The following ZNF836 variants were observed in gnomAD, a reference collection of about 807,000 sequenced individuals.
The protein encoded by ZNF836 is zinc finger protein 836.
Under a neutral mutation model 7.4 loss-of-function variants are expected in ZNF836, and 12 were observed. The observed-to-expected ratio is 1.61, with a 90% CI of 1.03 to 2.61. The LOEUF (loss-of-function observed/expected upper bound fraction) is 2.61, where lower values mean the gene tolerates loss of function less well. Among genes scored for constraint, ZNF836 ranks in the 30% most tolerant of loss-of-function variants. ZNF836 has a pLI of 0.00. For missense variants in ZNF836, 998 were observed against 1,126.2 expected, an observed-to-expected ratio of 0.89 and a Z score of 1.63; for synonymous variants, 365 against 382.6, an observed-to-expected ratio of 0.95 and a Z score of 0.54.
At chr19:52,166,859 G>A (rs1376181721) in intron 3 of ZNF836, among the ~76,000 whole-genome samples, 9 of 151,444 alleles carry the variant, frequency 5.9e-5, no homozygotes, top group African/African-American at 1.9e-4. Flanking sequence ...GATTACAGGC[G>A]TGAGCCACCG....
In ZNF836 at chr19:52,157,309, C is replaced by T. The variant is rs757305341; in HGVS notation, c.374G>A (p.Gly125Asp). ...TTCTACATCCTCTTGACTATGTTGA[C>T]CTCTTTTACCATTAAGATTGTTTTT... Reference protein sequence around the residue: ...TYKNNLNGKRGQHSQEDVENK... With the variant: ...TYKNNLNGKRDQHSQEDVENK... The change falls in exon 5 of 5, where the codon GGT becomes GAT. Residue 125 changes from glycine (G) to aspartate (D), a missense_variant. By Grantham distance (94) the Gly-to-Asp change is moderately conservative. Transcript: ENST00000682614. 99 of 1,604,198 alleles carry T rather than the reference C, an allele frequency of 6.2e-5. No individual in the cohort carries two copies. The South Asian group carries it at 1.0e-3, about 16-fold the overall frequency.
chr19:52,161,669 C>CA lies in ZNF836; in HGVS notation c.16-1079dup. Among the ~76,000 whole-genome samples, 1 of 151,026 alleles carries CA rather than the reference C, an allele frequency of 6.6e-6. No homozygotes were observed. The highest frequency in any genetic ancestry group is 2.1e-4 in the South Asian group (1 of 4,756). On this transcript the variant is annotated intron_variant, in intron 3 of 4. Transcript: ENST00000682614. The surrounding 1 kb of genome is among the most constrained non-coding windows in gnomAD (Gnocchi z 4.1). ...GTGGAGGAGAAAAAAAAAAAAAACTCAGACTGTAACATTCCACCCCTGGCC... is the reference window on the plus strand; with the variant it reads ...GTGGAGGAGAAAAAAAAAAAAAACTCAAGACTGTAACATTCCACCCCTGGCC...
chr19:52,168,890 C>T (rs1477332034), intron 2 of ZNF836, among the ~76,000 whole-genome samples: 2 of 152,100 alleles, frequency 1.3e-5, no homozygotes, highest in Admixed American at 6.6e-5. Context: ...TATGACCTCA[C>T]AAGCAGAATT....
rs571771506 is a variant in ZNF836 at position 52,161,927 on chromosome 19, G to C, written c.16-1336C>G. On this transcript the variant is annotated intron_variant, in intron 3 of 4. Transcript: ENST00000682614. The surrounding 1 kb of genome is among the most constrained non-coding windows in gnomAD (Gnocchi z 4.1). ...GCTTCCAAAATACAATGGTGGGGCAGACACAGGTTAAATATTTCAATTCCA... is the reference window on the plus strand; with the variant it reads ...GCTTCCAAAATACAATGGTGGGGCACACACAGGTTAAATATTTCAATTCCA... Among the ~76,000 whole-genome samples, 2 of 152,192 alleles carry C rather than the reference G, an allele frequency of 1.3e-5. No homozygotes were observed. The highest frequency in any genetic ancestry group is 2.9e-5 in the Non-Finnish European group (2 of 68,042).
Position 52,155,554 on chromosome 19 carries a change from G to A in ZNF836, c.2129C>T (p.Ala710Val), listed in dbSNP as rs1568568779. ...GGAFIQSSKL[A>V]RYHRNPTGEK... ...CCCAGTAGGATTTCTGTGATATCTTGCAAGTTTTGAACTTTGGATAAATGC... is the reference window on the plus strand; with the variant it reads ...CCCAGTAGGATTTCTGTGATATCTTACAAGTTTTGAACTTTGGATAAATGC... The change falls in exon 5 of 5, where the codon GCA (alanine) becomes GTA (valine). Residue 710 changes from alanine (A) to valine (V), a missense_variant. Transcript: ENST00000682614. 1.2e-6 allele frequency: 2 copies of A among 1,613,860 alleles called. No individual in the cohort carries two copies. Among genetic ancestry groups the A allele is most frequent in the East Asian group, 4.5e-5 (2 of 44,862 alleles).
At chr19:52,165,017 G>A (rs34954768) in intron 3 of ZNF836, among the ~76,000 whole-genome samples, 1 of 152,130 alleles carries the variant, frequency 6.6e-6, no homozygotes, top group African/African-American at 2.4e-5. Context: ...TTAAACCTGG[G>A]AGGCGGAGGT....
intron 1 of ZNF836, chr19:52,171,064 GGGA>G (rs1290905079): frequency 6.6e-6 from 1 of 152,300 alleles, no homozygotes; most frequent in Non-Finnish European, 1.5e-5. Flanking sequence ...CCCAGGACCT[GGGA>G]GGAGAAGCGA....
At chr19:52,164,205 A>G (rs1246304462) in intron 3 of ZNF836, among the ~76,000 whole-genome samples, 1 of 152,054 alleles carries the variant, frequency 6.6e-6, no homozygotes, top group Non-Finnish European at 1.5e-5. Flanking sequence ...CAGCATGGCT[A>G]ACATGGTGAA....
rs1444580880 is a variant in ZNF836 at position 52,157,390 on chromosome 19, A to G, written c.293T>C (p.Leu98Pro). The change falls in exon 5 of 5, where the codon CTT becomes CCT. Residue 98 changes from leucine to proline, a missense_variant. Coordinates refer to ENST00000682614, the MANE Select transcript of ZNF836 (RefSeq NM_001102657.3). ...LREIQKNLQD[L>P]EFQWKDGEIN... The stretch of plus-strand genomic sequence containing the variant: ...TTCACCATCTTTCCATTGAAACTCA[A>G]GGTCCTGTAGATTTTTCTGGATTTC... 2.5e-6 allele frequency: 4 copies of G among 1,608,928 alleles called. No individual in the cohort carries two copies. Among genetic ancestry groups the G allele is most frequent in the Non-Finnish European group, 3.4e-6 (4 of 1,178,784 alleles).
chr19:52,170,147 ATT>A (rs2089296880), intron 1 of ZNF836, among the ~76,000 whole-genome samples: 1 of 151,018 alleles, frequency 6.6e-6, no homozygotes, highest in Admixed American at 6.6e-5. Flanking sequence ...TTTCTTCACT[ATT>A]GTGTGTGTCC....
At chr19:52,166,846 T>C (rs2089269357) in intron 3 of ZNF836, among the ~76,000 whole-genome samples, 1 of 151,934 alleles carries the variant, frequency 6.6e-6, no homozygotes, top group Admixed American at 6.6e-5. Flanking sequence ...CCCAAAGTGC[T>C]GGGATTACAG....
At chr19:52,166,119 G>A (rs2089261484) in intron 3 of ZNF836, among the ~76,000 whole-genome samples, 1 of 152,036 alleles carries the variant, frequency 6.6e-6, no homozygotes, top group Non-Finnish European at 1.5e-5. Flanking sequence ...AGCCTCCCGA[G>A]TAGCTGGAAC....
intron 3 of ZNF836, among the ~76,000 whole-genome samples, chr19:52,167,450 C>A (rs1474435522): frequency 1.5e-5 from 1 of 65,298 alleles, no homozygotes; most frequent in Non-Finnish European, 2.8e-5. Flanking sequence ...CCAGCCTGGG[C>A]AACAAGAACG....
In ZNF836 at chr19:52,160,927, G is replaced by A. The variant is rs147387100; in HGVS notation, c.16-336C>T. On this transcript the variant is annotated intron_variant, in intron 3 of 4. Transcript: ENST00000682614. ...TGAGCTAGTATACAAGTGGTGTCTT[G>A]GAGATGACAATGTCCATAGAAGCTT... 1.1e-4 allele frequency among the ~76,000 whole-genome samples: 16 copies of A among 152,274 alleles called. No homozygotes were observed. The East Asian group carries it at 1.9e-3, about 18-fold the overall frequency.
chr19:52,165,997 A>G (rs1337755136), intron 3 of ZNF836, among the ~76,000 whole-genome samples: 1 of 150,910 alleles, frequency 6.6e-6, no homozygotes, highest in African/African-American at 2.4e-5. Flanking sequence ...TTTTATTTTT[A>G]TTTTTATTTT....
intron 4 of ZNF836, among the ~76,000 whole-genome samples, chr19:52,158,289 C>A (rs541537238): frequency 6.6e-6 from 1 of 152,084 alleles, no homozygotes; most frequent in African/African-American, 2.4e-5. Flanking sequence ...CAAATTACAG[C>A]TAAATATCAA....
intron 4 of ZNF836, 131 bp downstream of exon 4, chr19:52,160,331 TGAA>T (rs1434390571): frequency 9.1e-7 from 1 of 1,095,302 alleles, no homozygotes; most frequent in Admixed American, 2.1e-5. Context: ...TGCAGCATTA[TGAA>T]GCTTTTTATT....
At position 52,155,942 on chromosome 19, in the gene ZNF836, G is replaced by T. The variant is rs767831643; in HGVS notation, c.1741C>A (p.Pro581Thr). ...IHKRIHTGEK[P>T]FQCNECGTVF... ...GTGCCACATTCATTACATTGGAAAG[G>T]TTTCTCTCCCGTATGTATTCTCTTA... Residue 581 changes from proline (P) to threonine (T), a missense_variant, in exon 5 of 5, where the codon CCT becomes ACT. Coordinates refer to ENST00000682614, the MANE Select transcript of ZNF836 (RefSeq NM_001102657.3). 1.2e-6 allele frequency: 2 copies of T among 1,613,918 alleles called. No individual in the cohort carries two copies. Among genetic ancestry groups the T allele is most frequent in the Non-Finnish European group, 1.7e-6 (2 of 1,179,886 alleles).
chr19:52,160,245 T>C (rs2089201087), intron 4 of ZNF836: 3 of 596,722 alleles, frequency 5.0e-6, no homozygotes, highest in Non-Finnish European at 2.9e-6. Flanking sequence ...ATGGGAATTC[T>C]ACTAAGGGCA....
Sources: gnomAD v4.1 joint callset for allele counts (sites outside exome capture counted in the v4.1 genomes callset) on GRCh38, gnomAD v4.1.1 for gene constraint, Gnocchi (gnomAD v3.1) non-coding constraint, MANE v1.5 for transcripts, NCBI Gene and HGNC (gene_info 2026-07-23, HGNC 2026-07-21) for gene names.